The following COPG2 variants were observed in gnomAD, a reference collection of about 807,000 sequenced individuals.
The protein encoded by COPG2 is coatomer subunit gamma-2.
In COPG2, 37 loss-of-function variants were observed where a neutral mutation model predicts 46.3. That is an observed-to-expected ratio of 0.80 (90% CI 0.61 to 1.05). The LOEUF (loss-of-function observed/expected upper bound fraction) is 1.05. COPG2 is among the 50% of genes least tolerant of loss of function. COPG2 has a pLI of 0.00. For synonymous variants in COPG2, 159 were observed against 129.7 expected, an observed-to-expected ratio of 1.23 and a Z score of -1.53; for missense variants, 427 against 387.8, an observed-to-expected ratio of 1.10 and a Z score of -0.85.
intron 17 of COPG2, among the ~76,000 whole-genome samples, 162 bp from the exon 18 acceptor site, chr7:130,549,538 CAAATT>C (rs1474969384): frequency 4.8e-4 from 73 of 151,976 alleles, no homozygotes; most frequent in Non-Finnish European, 1.9e-4. Context: ...GGGGGACACT[CAAATT>C]AAAATGTATT....
intron 9 of COPG2, among the ~76,000 whole-genome samples, chr7:130,578,666 G>A (rs1794065477): frequency 6.6e-6 from 1 of 152,188 alleles, no homozygotes; most frequent in Non-Finnish European, 1.5e-5. Flanking sequence ...AGGTGATGGA[G>A]CTGAAAACCA....
chr7:130,655,564 C>T (rs541404656), intron 4 of COPG2, among the ~76,000 whole-genome samples: 10 of 152,262 alleles, frequency 6.6e-5, no homozygotes, highest in Admixed American at 4.6e-4. Flanking sequence ...TCCCTCTCCT[C>T]CTTCCTTCTC....
chr7:130,562,230 G>C (rs1793731721), intron 11 of COPG2, among the ~76,000 whole-genome samples: 2 of 152,172 alleles, frequency 1.3e-5, no homozygotes, highest in African/African-American at 2.4e-5. Flanking sequence ...GTGGTGGCAG[G>C]TGCCTGTGAT....
At chr7:130,529,662 A>T (rs1799805233) in intron 20 of COPG2, among the ~76,000 whole-genome samples, 1 of 152,194 alleles carries the variant, frequency 6.6e-6, no homozygotes, top group Admixed American at 6.5e-5. Context: ...TAAGGGCCAA[A>T]GTGATTGGTT....
intron 3 of COPG2, 55 bp from the exon 4 acceptor site, chr7:130,663,093 T>A: frequency 2.1e-6 from 2 of 932,918 alleles, no homozygotes; most frequent in African/African-American, 3.4e-5. Flanking sequence ...TTCATATATA[T>A]GTACATATAC....
At chr7:130,616,262 G>A (rs1245664406) in intron 6 of COPG2, among the ~76,000 whole-genome samples, 3 of 152,174 alleles carry the variant, frequency 2.0e-5, no homozygotes, top group Admixed American at 1.3e-4. Context: ...TGTTGATTGT[G>A]TAGGAGATGC....
At chr7:130,561,908 T>C (rs1345746835) in intron 11 of COPG2, among the ~76,000 whole-genome samples, 1 of 152,236 alleles carries the variant, frequency 6.6e-6, no homozygotes, top group Non-Finnish European at 1.5e-5. Flanking sequence ...AAAATATTAA[T>C]GTTTTTTAAT....
chr7:130,516,861 G>A (rs1001123191), intron 20 of COPG2, among the ~76,000 whole-genome samples: 3 of 152,100 alleles, frequency 2.0e-5, no homozygotes, highest in Non-Finnish European at 2.9e-5. Context: ...TAAATGGGAT[G>A]GGCATAAAGG....
intron 9 of COPG2, among the ~76,000 whole-genome samples, chr7:130,596,278 G>C (rs1171747751): frequency 3.9e-5 from 6 of 152,134 alleles, no homozygotes; most frequent in African/African-American, 1.4e-4. Context: ...CTGCTTTTGT[G>C]GTTTTCTCTT....
intron 20 of COPG2, among the ~76,000 whole-genome samples, chr7:130,536,733 A>T (rs1177189056): frequency 3.9e-5 from 6 of 152,318 alleles, no homozygotes; most frequent in Admixed American, 3.9e-4. Context: ...GATGACAGCG[A>T]GCAAATGGAT....
rs1239439572 is a variant in COPG2 at position 130,554,666 on chromosome 7, T to G, written c.1283A>C (p.Asn428Thr). ...TAGGCCTGCTTCTTTACTCTCAGGG[T>G]TCTCTTCCACAATGCTGATTATACA... ...VDCIISIVEE[N>T]PESKEAGLAH... Residue 428 changes from asparagine (N) to threonine (T), a missense_variant, in exon 14 of 24, where the codon AAC (asparagine) becomes ACC (threonine). Asn to Thr is a moderately conservative substitution (Grantham distance 65). Coordinates refer to ENST00000425248, the MANE Select transcript of COPG2 (RefSeq NM_012133.6). 2.5e-6 allele frequency: 1 copy of G among 398,512 alleles called. No homozygotes were observed. The highest frequency in any genetic ancestry group is 4.4e-6 in the Non-Finnish European group (1 of 226,082). The allele number at this position is 398,512 out of a possible 1,614,324, so 24.7% of individuals were successfully genotyped here. A position where few individuals can be genotyped will look rare whatever the true frequency, so the allele number is the denominator to read the frequency against.
intron 13 of COPG2, 126 bp downstream of exon 13, chr7:130,554,911 A>G: frequency 2.5e-6 from 1 of 397,684 alleles, no homozygotes; most frequent in East Asian, 3.6e-5. Flanking sequence ...GACAGTAACC[A>G]GACTTAGTGT....
chr7:130,628,049 T>G (rs1795148729), intron 5 of COPG2, among the ~76,000 whole-genome samples: 1 of 152,170 alleles, frequency 6.6e-6, no homozygotes, highest in Admixed American at 6.5e-5. Context: ...ACTGGTGTGT[T>G]TAGACAATCC....
chr7:130,572,806 G>C (rs1221492661), intron 9 of COPG2, among the ~76,000 whole-genome samples: 1 of 151,748 alleles, frequency 6.6e-6, no homozygotes, highest in East Asian at 1.9e-4. Context: ...GAAGAAATTA[G>C]GAAGAGTAAG....
chr7:130,644,338 T>C (rs1411877120), intron 5 of COPG2, among the ~76,000 whole-genome samples: 1 of 152,144 alleles, frequency 6.6e-6, no homozygotes, highest in East Asian at 1.9e-4. Context: ...GGTTCTAGGT[T>C]AGGAGTTCCC....
At chr7:130,542,719 G>A (rs1793356594) in intron 20 of COPG2, among the ~76,000 whole-genome samples, 1 of 152,150 alleles carries the variant, frequency 6.6e-6, no homozygotes, top group African/African-American at 2.4e-5. Context: ...GCCATTCTAA[G>A]GCAGTTATTG....
chr7:130,609,026 G>A (rs1012472214), intron 9 of COPG2, among the ~76,000 whole-genome samples: 29 of 151,950 alleles, frequency 1.9e-4, no homozygotes, highest in Admixed American at 7.2e-4. Context: ...ACAGGCCTGC[G>A]TCACCATGCC....
chr7:130,660,025 T>A (rs1037986272), intron 4 of COPG2, among the ~76,000 whole-genome samples: 12 of 152,326 alleles, frequency 7.9e-5, no homozygotes, highest in Middle Eastern at 6.8e-3. Context: ...TAAACAACGA[T>A]AGAAGAATAC....
chr7:130,586,115 A>G (rs782588971), intron 9 of COPG2, among the ~76,000 whole-genome samples: 17 of 152,144 alleles, frequency 1.1e-4, no homozygotes, highest in Non-Finnish European at 2.4e-4. Context: ...GTATATTTAT[A>G]TGATGGAATA....
Sources: gnomAD v4.1 joint callset for allele counts (sites outside exome capture counted in the v4.1 genomes callset) on GRCh38, gnomAD v4.1.1 for gene constraint, MANE v1.5 for transcripts, NCBI Gene and HGNC (gene_info 2026-07-23, HGNC 2026-07-21) for gene names.